Variants in ADAMTS14 observed in about 807,000 individuals in gnomAD.
ADAMTS14 encodes A disintegrin and metalloproteinase with thrombospondin motifs 14.
ADAMTS14 carries 100 observed loss-of-function variants against 128.6 expected under a neutral mutation model. The observed-to-expected ratio is 0.78, with a 90% CI of 0.66 to 0.92. The LOEUF is 0.92. Ranked by LOEUF, ADAMTS14 falls within the 40% of genes least tolerant of loss-of-function variation. The pLI, the probability that ADAMTS14 is intolerant of heterozygous loss-of-function variation, is 0.00. For synonymous variants in ADAMTS14, 665 were observed against 653.8 expected, an observed-to-expected ratio of 1.02 and a Z score of -0.26; for missense variants, 1,562 against 1,658.6, an observed-to-expected ratio of 0.94 and a Z score of 1.01.
chr10:70,731,180 A>G (rs929011557), intron 6 of ADAMTS14, among the ~76,000 whole-genome samples: 3 of 152,206 alleles, frequency 2.0e-5, no homozygotes, highest in African/African-American at 7.2e-5. Flanking sequence ...GTACATGTAC[A>G]GATATACAAA....
chr10:70,758,939 CTCTT>C (rs1842542631), intron 21 of ADAMTS14, among the ~76,000 whole-genome samples: 2 of 152,162 alleles, frequency 1.3e-5, no homozygotes, highest in South Asian at 4.1e-4. Context: ...GGTTCCATCT[CTCTT>C]TTCCTTCCTC....
intron 6 of ADAMTS14, among the ~76,000 whole-genome samples, chr10:70,731,747 T>C (rs766451632): frequency 6.6e-6 from 1 of 152,220 alleles, no homozygotes; most frequent in Non-Finnish European, 1.5e-5. Context: ...TCTTGAATTC[T>C]AGCCTTTCTG....
chr10:70,745,702 A>G (rs1564554416), intron 15 of ADAMTS14, among the ~76,000 whole-genome samples: 2 of 152,340 alleles, frequency 1.3e-5, no homozygotes, highest in South Asian at 4.1e-4. Flanking sequence ...TCAAACAAGA[A>G]TAATTCTTAG....
chr10:70,680,341 G>A (rs1190789319), intron 2 of ADAMTS14, among the ~76,000 whole-genome samples: 2 of 152,128 alleles, frequency 1.3e-5, no homozygotes, highest in Admixed American at 1.3e-4. Context: ...GGAGGTGGAG[G>A]TTGCAGTGAG....
chr10:70,751,388 C>T, intron 16 of ADAMTS14, 90 bp from the exon 17 acceptor site: 1 of 1,321,606 alleles, frequency 7.6e-7, no homozygotes, highest in Non-Finnish European at 1.1e-6. Flanking sequence ...TGCTCCGACC[C>T]TAAGGCCTTC....
intron 3 of ADAMTS14, among the ~76,000 whole-genome samples, chr10:70,704,859 C>T (rs1172075409): frequency 6.6e-6 from 1 of 152,076 alleles, no homozygotes; most frequent in African/African-American, 2.4e-5. Flanking sequence ...CTTACAAGCA[C>T]ACACCCGTAC....
chr10:70,710,565 A>T (rs925012384), intron 4 of ADAMTS14, among the ~76,000 whole-genome samples: 18 of 152,208 alleles, frequency 1.2e-4, no homozygotes, highest in African/African-American at 4.3e-4. Flanking sequence ...GCTGTAAGAG[A>T]TGTGCAATTG....
At chr10:70,721,365 T>C (rs1459835985) in intron 4 of ADAMTS14, among the ~76,000 whole-genome samples, 1 of 151,100 alleles carries the variant, frequency 6.6e-6, no homozygotes, top group Non-Finnish European at 1.5e-5. Flanking sequence ...GTCTTTATCA[T>C]ATGTTACTCT....
intron 15 of ADAMTS14, among the ~76,000 whole-genome samples, chr10:70,749,387 C>T (rs1842279364): frequency 6.6e-6 from 1 of 152,164 alleles, no homozygotes; most frequent in African/African-American, 2.4e-5. Context: ...AGTTTCCTCA[C>T]CATCAATCCG....
At chr10:70,738,708 G>C (rs1841902401) in intron 10 of ADAMTS14, 134 bp from the exon 11 acceptor site, 1 of 1,231,618 alleles carries the variant, frequency 8.1e-7, no homozygotes, top group African/African-American at 1.5e-5. Context: ...TTTGTTTAAG[G>C]CTGCTCAGCT....
At chr10:70,734,699 G>T (rs772116647) in intron 8 of ADAMTS14, among the ~76,000 whole-genome samples, 51 of 152,204 alleles carry the variant, frequency 3.4e-4, no homozygotes, top group Non-Finnish European at 5.9e-4. Context: ...AGTGGATTTG[G>T]ATGGGGGCAG....
intron 11 of ADAMTS14, 115 bp from the exon 12 acceptor site, chr10:70,740,872 G>A: frequency 9.4e-7 from 1 of 1,068,822 alleles, no homozygotes; most frequent in Non-Finnish European, 1.4e-6. Context: ...GTCAGTGGAG[G>A]CCCTTGTCAT....
In ADAMTS14 at chr10:70,736,788, G is replaced by A. The variant is rs776413751; in HGVS notation, c.1594G>A (p.Gly532Ser). ...GCTGGATGGGACTGAGTGTGCACCC[G>A]GCAAGGTACCTGTGGGGTGTGCAGC... is the stretch of plus-strand genomic sequence containing the variant. ...PPLDGTECAP[G>S]KWCFKGHCIW... Residue 532 changes from glycine to serine, a missense_variant, in exon 10 of 22, where the codon GGC becomes AGC. Transcript: ENST00000373207. 2.4e-5 allele frequency: 38 copies of A among 1,613,290 alleles called. No homozygotes were observed. Among genetic ancestry groups the A allele is most frequent in the African/African-American group, 1.7e-4 (13 of 74,872 alleles).
Position 70,732,341 on chromosome 10 carries a change from CT to C in ADAMTS14, c.1191del (p.His398MetfsTer195). Reference protein sequence around the residue: ...EDGFSSAFVIAHETGHVLGME... With the variant: ...EDGFSSAFVIXHETGHVLGME... ...GGCTTCTCCTCAGCCTTCGTGATAG[CT>C]CATGAGACCGGCCACGTGTAAGTGG... On this transcript the variant is annotated frameshift_variant, in exon 7 of 22. Transcript: ENST00000373207. LOFTEE classifies it high-confidence loss of function. 6.2e-7 allele frequency: 1 copy of C among 1,614,060 alleles called. No homozygotes were observed. The highest frequency in any genetic ancestry group is 2.2e-5 in the East Asian group (1 of 44,878).
intron 4 of ADAMTS14, among the ~76,000 whole-genome samples, chr10:70,728,145 T>C (rs1464001545): frequency 6.6e-6 from 1 of 150,670 alleles, no homozygotes; most frequent in Admixed American, 6.6e-5. Flanking sequence ...TACCTTGGCC[T>C]CCCAAAGCAC....
Position 70,723,167 on chromosome 10 carries a change from C to T in ADAMTS14, c.871-6127C>T, listed in dbSNP as rs540210881. The stretch of plus-strand genomic sequence containing the variant: ...ATCTAACCATGAGAAAACCATCAGA[C>T]GTACCCTAATTGAAGGACACAAAAT... On this transcript the variant is annotated intron_variant, in intron 4 of 21. Coordinates refer to ENST00000373207, the MANE Select transcript of ADAMTS14 (RefSeq NM_080722.4). Among the ~76,000 whole-genome samples the T allele has an allele frequency of 1.5e-4, 23 of 152,280 alleles. No homozygotes were observed. The South Asian group carries it at 4.6e-3, about 30-fold the overall frequency.
Position 70,752,118 on chromosome 10 carries a change from T to C in ADAMTS14, c.2620T>C (p.Cys874Arg). Residue 874 changes from cysteine to arginine, a missense_variant, in exon 18 of 22, where the codon TGC (cysteine) becomes CGC (arginine). Coordinates refer to ENST00000373207, the MANE Select transcript of ADAMTS14 (RefSeq NM_080722.4). ...AGGGATCCAGTTCACCAAATACGGCTGCCGGCGCAGACGAGACCACCACAT... is the reference window on the plus strand; with the variant it reads ...AGGGATCCAGTTCACCAAATACGGCCGCCGGCGCAGACGAGACCACCACAT... ...GGGIQFTKYG[C>R]RRRRDHHMVQ... 1 of 1,613,162 alleles carries C rather than the reference T, an allele frequency of 6.2e-7. No homozygotes were observed. Among genetic ancestry groups the C allele is most frequent in the Non-Finnish European group, 8.5e-7 (1 of 1,179,904 alleles).
chr10:70,743,943 T>A (rs1842088509), intron 13 of ADAMTS14, 123 bp from the exon 14 acceptor site: 1 of 1,349,164 alleles, frequency 7.4e-7, no homozygotes, highest in Non-Finnish European at 1.0e-6. Flanking sequence ...CAGAATCCTG[T>A]CCAGGGACAT....
chr10:70,697,880 G>A (rs983914711), intron 2 of ADAMTS14, among the ~76,000 whole-genome samples: 2 of 152,194 alleles, frequency 1.3e-5, no homozygotes, highest in African/African-American at 2.4e-5. Flanking sequence ...CAACCAAAAC[G>A]ATGTCATGTT....
Sources: gnomAD v4.1 joint callset for allele counts (sites outside exome capture counted in the v4.1 genomes callset) on GRCh38, gnomAD v4.1.1 for gene constraint, MANE v1.5 for transcripts, NCBI Gene and HGNC (gene_info 2026-07-23, HGNC 2026-07-21) for gene names.